The following CEMIP variants were observed in gnomAD, a reference collection of about 807,000 sequenced individuals.
CEMIP encodes cell migration inducing hyaluronidase 1, also known as cell migration-inducing and hyaluronan-binding protein.
In CEMIP, 105 loss-of-function variants were observed where a neutral mutation model predicts 156.9. That is an observed-to-expected ratio of 0.67 (90% CI 0.57 to 0.79). The LOEUF (loss-of-function observed/expected upper bound fraction) is 0.79. Ranked by LOEUF, CEMIP falls within the 30% of genes least tolerant of loss-of-function variation. The probability of loss-of-function intolerance (pLI) is 0.00; values close to 1 mark genes in which losing one functional copy is unlikely to be tolerated. For missense variants in CEMIP, 1,457 were observed against 1,769.4 expected, an observed-to-expected ratio of 0.82 and a Z score of 3.17; for synonymous variants, 676 against 668.4, an observed-to-expected ratio of 1.01 and a Z score of -0.17.
At chr15:80,862,491 A>G (rs1185595021) in intron 1 of CEMIP, among the ~76,000 whole-genome samples, 1 of 152,152 alleles carries the variant, frequency 6.6e-6, no homozygotes, top group Non-Finnish European at 1.5e-5. Context: ...ACCAGGTCCT[A>G]TGTGTGTTGA....
At chr15:80,946,338 A>C (rs751843950) in intron 28 of CEMIP, 5 of 155,450 alleles carry the variant, frequency 3.2e-5, no homozygotes, top group Non-Finnish European at 5.7e-5. Flanking sequence ...TCACCTGCAG[A>C]TCTTGTAAAA....
intron 1 of CEMIP, among the ~76,000 whole-genome samples, chr15:80,820,740 C>G (rs917982824): frequency 2.0e-5 from 3 of 152,214 alleles, no homozygotes; most frequent in Non-Finnish European, 4.4e-5. Flanking sequence ...GTCCCTCAAC[C>G]TTTTCAAACC....
At chr15:80,926,758 T>G (rs984661691) in intron 19 of CEMIP, among the ~76,000 whole-genome samples, 2 of 140,418 alleles carry the variant, frequency 1.4e-5, no homozygotes, top group African/African-American at 5.7e-5. Flanking sequence ...AAACAATAAA[T>G]TTTTTTTTAA....
intron 1 of CEMIP, among the ~76,000 whole-genome samples, chr15:80,793,036 GAAA>G (rs891096144): frequency 2.0e-4 from 31 of 152,330 alleles, no homozygotes; most frequent in Admixed American, 1.0e-3. Flanking sequence ...GACTTCTGAT[GAAA>G]ATACAGTTTA....
At chr15:80,858,256 G>A (rs1272023827) in intron 1 of CEMIP, among the ~76,000 whole-genome samples, 1 of 152,172 alleles carries the variant, frequency 6.6e-6, no homozygotes, top group African/African-American at 2.4e-5. Context: ...AACCTTAGTG[G>A]TAGTAAAGAT....
At chr15:80,787,612 C>T (rs1226554155) in intron 1 of CEMIP, among the ~76,000 whole-genome samples, 1 of 152,174 alleles carries the variant, frequency 6.6e-6, no homozygotes, top group Non-Finnish European at 1.5e-5. Context: ...TGGGATTCAG[C>T]CTCTCTCTCT....
chr15:80,897,947 C>A (rs1899303150), intron 12 of CEMIP, among the ~76,000 whole-genome samples: 1 of 152,234 alleles, frequency 6.6e-6, no homozygotes. Flanking sequence ...GGACAACTTT[C>A]TCAGCTGTGA....
At chr15:80,810,587 C>A (rs1388749376) in intron 1 of CEMIP, among the ~76,000 whole-genome samples, 1 of 152,112 alleles carries the variant, frequency 6.6e-6, no homozygotes, top group Non-Finnish European at 1.5e-5. Flanking sequence ...GATCTCCTGA[C>A]CTTGTGATCC....
At chr15:80,907,110 T>G (rs1899841836) in intron 13 of CEMIP, among the ~76,000 whole-genome samples, 1 of 152,252 alleles carries the variant, frequency 6.6e-6, no homozygotes, top group Admixed American at 6.5e-5. Context: ...TCACACTGTT[T>G]CAACATTGCC....
At chr15:80,808,185 A>G (rs571490283) in intron 1 of CEMIP, among the ~76,000 whole-genome samples, 84 of 152,308 alleles carry the variant, frequency 5.5e-4, no homozygotes, top group African/African-American at 1.9e-3. Context: ...TAAGTCATCC[A>G]AGATCACCAT....
intron 1 of CEMIP, among the ~76,000 whole-genome samples, chr15:80,798,001 A>G (rs565002811): frequency 1.3e-5 from 2 of 152,344 alleles, no homozygotes; most frequent in South Asian, 4.1e-4. Context: ...AATGAGCAAT[A>G]ACTAGGAGTT....
At chr15:80,851,905 C>T (rs944014158) in intron 1 of CEMIP, among the ~76,000 whole-genome samples, 2 of 151,906 alleles carry the variant, frequency 1.3e-5, no homozygotes, top group East Asian at 1.9e-4. Flanking sequence ...GCAGTGTAGG[C>T]GATGGACTGG....
At chr15:80,891,048 T>C (rs765026170) in intron 10 of CEMIP, among the ~76,000 whole-genome samples, 1 of 152,252 alleles carries the variant, frequency 6.6e-6, no homozygotes, top group African/African-American at 2.4e-5. Flanking sequence ...TAACCTTGAA[T>C]GTTCCAGCTT....
At chr15:80,945,759 C>T (rs542171232) in intron 28 of CEMIP, among the ~76,000 whole-genome samples, 66 of 152,322 alleles carry the variant, frequency 4.3e-4, no homozygotes, top group Non-Finnish European at 7.5e-4. Context: ...ACAAACTGGA[C>T]GCCCCATTGA....
chr15:80,920,006 A>G (rs1484461725), intron 14 of CEMIP, 88 bp from the exon 15 acceptor site: 1 of 1,202,498 alleles, frequency 8.3e-7, no homozygotes, highest in Admixed American at 1.7e-5. Flanking sequence ...GAATGAGCAC[A>G]TGAGACTATT....
chr15:80,920,517 A>C (rs1267072832), intron 15 of CEMIP, among the ~76,000 whole-genome samples: 23 of 152,010 alleles, frequency 1.5e-4, no homozygotes, highest in Non-Finnish European at 1.5e-5. Flanking sequence ...CCTCATGTGC[A>C]TTTTTCTTGT....
chr15:80,925,648 C>T lies in CEMIP; in HGVS notation c.2313C>T (p.Asp771=), dbSNP rs778216049. 3 of 1,613,436 alleles carry T rather than the reference C, an allele frequency of 1.9e-6. No individual in the cohort carries two copies. The highest frequency in any genetic ancestry group is 1.7e-5 in the Admixed American group (1 of 60,026). Residue 771 remains aspartate, a synonymous_variant, in exon 19 of 30, where the codon GAC becomes GAT. Transcript: ENST00000394685. The part of the protein sequence containing the change: ...SARYSPHQDA[D]PLKPREPAII... ...GATACAGCCCTCACCAGGACGCCGA[C>T]CCGCTGAAGCCCCGGGAGCCGGCCA...
At chr15:80,875,020 CA>C (rs1898424753) in intron 3 of CEMIP, among the ~76,000 whole-genome samples, 1 of 114,250 alleles carries the variant, frequency 8.8e-6, no homozygotes, top group African/African-American at 3.3e-5. Flanking sequence ...TAGCAAGTAG[CA>C]TTTTTTTTTT....
intron 12 of CEMIP, among the ~76,000 whole-genome samples, chr15:80,897,801 C>T (rs1899296205): frequency 6.6e-6 from 1 of 152,104 alleles, no homozygotes; most frequent in African/African-American, 2.4e-5. Context: ...AGCAGAAGAG[C>T]AGAAGATACT....
Sources: allele counts gnomAD v4.1 joint callset (sites outside exome capture counted in the v4.1 genomes callset), GRCh38; gene constraint gnomAD v4.1.1; transcripts MANE v1.5; gene names NCBI Gene and HGNC (gene_info 2026-07-23, HGNC 2026-07-21).